PDE6A: variants seen among roughly 807,000 people sequenced by gnomAD.
PDE6A encodes the protein phosphodiesterase 6A, also known as rod cGMP-specific 3',5'-cyclic phosphodiesterase subunit alpha.
A neutral mutation model predicts 106.3 loss-of-function variants in PDE6A; 84 were observed. The observed-to-expected ratio is 0.79, with a 90% CI of 0.66 to 0.95. PDE6A has a LOEUF of 0.95. PDE6A is among the 40% of genes least tolerant of loss of function. The pLI is 0.00. For synonymous variants in PDE6A, 394 were observed against 386.6 expected, an observed-to-expected ratio of 1.02 and a Z score of -0.23; for missense variants, 1,052 against 1,084.9, an observed-to-expected ratio of 0.97 and a Z score of 0.43.
At chr5:149,912,016 A>G (rs919946363) in intron 6 of PDE6A, among the ~76,000 whole-genome samples, 2 of 152,138 alleles carry the variant, frequency 1.3e-5, no homozygotes, top group Non-Finnish European at 2.9e-5. Context: ...TTAAATAAAT[A>G]AAATTCAAAT....
chr5:149,903,327 C>T (rs149952742), intron 8 of PDE6A, among the ~76,000 whole-genome samples: 2 of 148,716 alleles, frequency 1.3e-5, no homozygotes, highest in East Asian at 2.0e-4. Flanking sequence ...TAATTGTATA[C>T]ATTATATAAT....
intron 4 of PDE6A, among the ~76,000 whole-genome samples, chr5:149,929,189 A>G (rs979696027): frequency 1.6e-4 from 25 of 152,364 alleles, no homozygotes; most frequent in African/African-American, 5.8e-4. Flanking sequence ...AGTATTAATA[A>G]TAGATCAGAT....
intron 4 of PDE6A, among the ~76,000 whole-genome samples, chr5:149,922,685 T>C (rs1013947722): frequency 6.6e-6 from 1 of 152,198 alleles, no homozygotes; most frequent in African/African-American, 2.4e-5. Context: ...AAATTTTTCA[T>C]AACAAACTTT....
At chr5:149,920,277 G>A (rs1289077614) in intron 5 of PDE6A, among the ~76,000 whole-genome samples, 3 of 152,084 alleles carry the variant, frequency 2.0e-5, no homozygotes, top group African/African-American at 7.2e-5. Flanking sequence ...GGGCACAGAT[G>A]TACATAAAAG....
chr5:149,862,713 G>A (rs773872621), intron 21 of PDE6A, among the ~76,000 whole-genome samples: 7 of 152,106 alleles, frequency 4.6e-5, no homozygotes, highest in African/African-American at 1.7e-4. Context: ...AGTGGAGATC[G>A]TGCCACTGCT....
chr5:149,916,617 G>A (rs1753562895), intron 5 of PDE6A, among the ~76,000 whole-genome samples: 1 of 152,134 alleles, frequency 6.6e-6, no homozygotes, highest in African/African-American at 2.4e-5. Context: ...TCTCTAGCAT[G>A]CAATTGGATG....
At chr5:149,882,037 A>G (rs952334809) in intron 17 of PDE6A, among the ~76,000 whole-genome samples, 1 of 149,190 alleles carries the variant, frequency 6.7e-6, no homozygotes, top group African/African-American at 2.5e-5. Flanking sequence ...GCAATAGAGC[A>G]AGACCCTGTC....
At chr5:149,879,307 G>C (rs947214414) in intron 17 of PDE6A, among the ~76,000 whole-genome samples, 4 of 152,060 alleles carry the variant, frequency 2.6e-5, no homozygotes, top group Non-Finnish European at 5.9e-5. Context: ...TCAGACCTCA[G>C]GTGATCCGCC....
chr5:149,928,240 T>A (rs1394121336), intron 4 of PDE6A, among the ~76,000 whole-genome samples: 1 of 84,636 alleles, frequency 1.2e-5, no homozygotes, highest in Non-Finnish European at 2.3e-5. Context: ...TATTTTTTTT[T>A]TTTTTTTTTT....
At chr5:149,884,392 A>G (rs1581166294) in intron 16 of PDE6A, 87 bp downstream of exon 16, 4 of 794,490 alleles carry the variant, frequency 5.0e-6, no homozygotes, top group African/African-American at 1.7e-5. Context: ...ATATATGTGT[A>G]TATATGTATA....
chr5:149,889,149 A>G (rs1306351128), intron 13 of PDE6A, among the ~76,000 whole-genome samples: 8 of 150,740 alleles, frequency 5.3e-5, no homozygotes, highest in Admixed American at 5.3e-4. Flanking sequence ...AATTAATGCT[A>G]TCTTGAACAT....
At position 149,921,627 on chromosome 5, in the gene PDE6A, G is replaced by C. The variant is rs763566503; in HGVS notation, c.933+8C>G. 6.8e-6 allele frequency: 11 copies of C among 1,606,542 alleles called. 1 individual carries two copies. In the South Asian group the frequency reaches 8.8e-5, roughly 13 times the overall value. On this transcript the variant is annotated splice_region_variant and intron_variant, in intron 5 of 21. Transcript: ENST00000255266. The stretch of plus-strand genomic sequence containing the variant: ...TAAATCATACTGAAAAGGTCAGAGA[G>C]AACGTACTCTTCCATCCGGAGTCCT...
chr5:149,919,681 GGAAAGTCAAAACT>G (rs1338785886), intron 5 of PDE6A, among the ~76,000 whole-genome samples: 2 of 152,110 alleles, frequency 1.3e-5, no homozygotes, highest in African/African-American at 4.8e-5. Flanking sequence ...ACCAGCCTCT[GGAAAGTCAAAACT>G]GAGTCATCAA....
chr5:149,921,765 A>G, intron 4 of PDE6A, 56 bp from the exon 5 acceptor site: 1 of 1,392,056 alleles, frequency 7.2e-7, no homozygotes, highest in African/African-American at 1.4e-5. Flanking sequence ...AGGAAAGGAG[A>G]TTAAGATGTC....
chr5:149,895,270 G>A lies in PDE6A; in HGVS notation c.1641C>T (p.Tyr547=). The A allele has an allele frequency of 2.5e-6, 4 of 1,613,508 alleles. No homozygotes were observed. Among genetic ancestry groups the A allele is most frequent in the Non-Finnish European group, 2.5e-6 (3 of 1,179,434 alleles). ...TCTTGCGGTAGCCCTTACTCAGGGA[G>A]TACATGAACCGCACCAGGGCCTGTG... ...IPQEALVRFM[Y]SLSKGYRKIT... The change falls in exon 13 of 22, where the codon TAC becomes TAT. Residue 547 remains tyrosine, a synonymous_variant. Transcript: ENST00000255266.
At chr5:149,864,264 A>G (rs1294825400) in intron 20 of PDE6A, among the ~76,000 whole-genome samples, 1 of 150,708 alleles carries the variant, frequency 6.6e-6, no homozygotes, top group Non-Finnish European at 1.5e-5. Flanking sequence ...TTTGAAACTG[A>G]GTTTTGCTCT....
At chr5:149,902,834 A>G (rs981520007) in intron 8 of PDE6A, among the ~76,000 whole-genome samples, 3 of 151,456 alleles carry the variant, frequency 2.0e-5, no homozygotes, top group Non-Finnish European at 4.4e-5. Context: ...AAAAAAAAAA[A>G]CCAAGGAGAG....
chr5:149,917,970 C>A (rs1561765685), intron 5 of PDE6A, among the ~76,000 whole-genome samples: 2 of 152,136 alleles, frequency 1.3e-5, no homozygotes, highest in African/African-American at 4.8e-5. Flanking sequence ...CTATTAACCC[C>A]TGGTCAAGGC....
intron 17 of PDE6A, among the ~76,000 whole-genome samples, chr5:149,880,756 T>C (rs542170533): frequency 3.3e-5 from 5 of 151,890 alleles, no homozygotes; most frequent in Non-Finnish European, 7.4e-5. Context: ...CAAAATGAGA[T>C]ACTGTCTGGC....
Sources: gnomAD v4.1 joint callset for allele counts (sites outside exome capture counted in the v4.1 genomes callset) on GRCh38, gnomAD v4.1.1 for gene constraint, MANE v1.5 for transcripts, NCBI Gene and HGNC (gene_info 2026-07-23, HGNC 2026-07-21) for gene names.